ROPN1L: variants seen among roughly 807,000 people sequenced by gnomAD.
ROPN1L encodes ropporin-1-like protein.
Under a neutral mutation model 22.7 loss-of-function variants are expected in ROPN1L, and 23 were observed. The ratio of observed to expected loss-of-function variants is 1.01; its 90% CI spans 0.73 to 1.43. The LOEUF is 1.43. ROPN1L is among the 40% of genes most tolerant of loss of function. The pLI is 0.00. For missense variants in ROPN1L, 271 were observed against 291.5 expected (o/e 0.93, Z 0.51); for synonymous variants, 116 against 117.8 (o/e 0.98, Z 0.10).
At chr5:10,466,526 A>G (rs1283725024), downstream of ROPN1L, among the ~76,000 whole-genome samples, 1 of 152,210 alleles carries the variant, frequency 6.6e-6, no homozygotes, top group Admixed American at 6.5e-5. Flanking sequence ...ATAAACTCCA[A>G]CGTGAAAATC....
In ROPN1L at chr5:10,464,852, G is replaced by C. The variant is rs137857729; in HGVS notation, c.598G>C (p.Ala200Pro). The C allele has an allele frequency of 6.3e-7, 1 of 1,585,534 alleles. No homozygotes were observed. Among genetic ancestry groups the C allele is most frequent in the Middle Eastern group, 1.8e-4 (1 of 5,532 alleles). Residue 200 changes from alanine (A) to proline (P), a missense_variant, in exon 5 of 5, where the codon GCC (alanine) becomes CCC (proline). By Grantham distance (27) the Ala-to-Pro change is conservative. Transcript: ENST00000274134. Reference sequence around the variant, plus strand: ...CTTTATCTGTTTCCAATTTAGAGACGCCAGGAAGAACGGCATGATAGGTCT... The same window carrying C: ...CTTTATCTGTTTCCAATTTAGAGACCCCAGGAAGAACGGCATGATAGGTCT... ...YLASLKENID[A>P]RKNGMIGLSD...
chr5:10,467,143 C>A (rs984277154), downstream of ROPN1L, among the ~76,000 whole-genome samples: 1 of 152,038 alleles, frequency 6.6e-6, no homozygotes, highest in Non-Finnish European at 1.5e-5. Flanking sequence ...CAAGTTCCTC[C>A]GCGCCACATT....
At chr5:10,465,751 C>T (rs1272097740), downstream of ROPN1L, among the ~76,000 whole-genome samples, 1 of 151,940 alleles carries the variant, frequency 6.6e-6, no homozygotes, top group East Asian at 1.9e-4. Flanking sequence ...ACTCAGGAGG[C>T]TGAGGCAGGA....
the ROPN1L span, among the ~76,000 whole-genome samples, chr5:10,480,252 A>G: frequency 1.3e-5 from 2 of 152,154 alleles, no homozygotes; most frequent in African/African-American, 2.4e-5. Flanking sequence ...AGACTGATAG[A>G]TTTTTTTCAT....
intron 3 of ROPN1L, 118 bp from the exon 4 acceptor site, chr5:10,461,066 A>G (rs1735014037): frequency 5.7e-6 from 5 of 881,538 alleles, no homozygotes; most frequent in African/African-American, 3.4e-5. Flanking sequence ...TGGAGCACAT[A>G]CTTTTTGGAG....
At chr5:10,442,614 AGT>A (rs985559899) in intron 1 of ROPN1L, among the ~76,000 whole-genome samples, 1 of 152,276 alleles carries the variant, frequency 6.6e-6, no homozygotes, top group African/African-American at 2.4e-5. Flanking sequence ...TGGGCAAAAA[AGT>A]GTTTACATTA....
chr5:10,445,838 A>C (rs1266073512), intron 1 of ROPN1L, among the ~76,000 whole-genome samples: 1 of 152,168 alleles, frequency 6.6e-6, no homozygotes, highest in African/African-American at 2.4e-5. Context: ...CAGAAGGATC[A>C]CTTGAGCCCA....
chr5:10,465,825 G>C (rs934957659), downstream of ROPN1L, among the ~76,000 whole-genome samples: 15 of 152,144 alleles, frequency 9.9e-5, no homozygotes, highest in African/African-American at 2.9e-4. Context: ...GCACTAGAGC[G>C]AGACTCCATC....
downstream of ROPN1L, among the ~76,000 whole-genome samples, chr5:10,474,808 A>C (rs763077307): frequency 3.3e-4 from 51 of 152,370 alleles, no homozygotes; most frequent in Non-Finnish European, 6.6e-4. Context: ...GTAACTGAAT[A>C]GGAGCGGCTG....
downstream of ROPN1L, among the ~76,000 whole-genome samples, chr5:10,475,951 C>T (rs534498104): frequency 1.3e-5 from 2 of 152,350 alleles, no homozygotes; most frequent in African/African-American, 2.4e-5. Flanking sequence ...AGGTCCTGTC[C>T]ATCTTGTCGC....
intron 2 of ROPN1L, 93 bp from the exon 3 acceptor site, chr5:10,449,859 C>T (rs1035477553): frequency 4.3e-5 from 45 of 1,047,254 alleles, no homozygotes; most frequent in Non-Finnish European, 3.9e-5. Context: ...CTGCATGGGG[C>T]GGGTTACTTG....
At chr5:10,478,949 G>T in the ROPN1L span, among the ~76,000 whole-genome samples, 1 of 152,180 alleles carries the variant, frequency 6.6e-6, no homozygotes, top group Non-Finnish European at 1.5e-5. Context: ...ATGATGATGA[G>T]GATGATGTTT....
chr5:10,442,350 G>A (rs751765261), intron 1 of ROPN1L, 52 bp downstream of exon 1: 8 of 1,593,876 alleles, frequency 5.0e-6, no homozygotes, highest in Non-Finnish European at 5.1e-6. Context: ...CAAGCCAGAC[G>A]AGCCCAGAGA....
chr5:10,445,437 G>C (rs1224865865), intron 1 of ROPN1L, among the ~76,000 whole-genome samples: 3 of 152,214 alleles, frequency 2.0e-5, no homozygotes, highest in Non-Finnish European at 4.4e-5. Context: ...CAAAAATGAA[G>C]GGTCACGAAA....
At chr5:10,449,874 G>A in intron 2 of ROPN1L, 78 bp from the exon 3 acceptor site, 1 of 1,255,568 alleles carries the variant, frequency 8.0e-7, no homozygotes, top group East Asian at 2.5e-5. Context: ...TACTTGGTGT[G>A]TGTTGAATAT....
the ROPN1L span, among the ~76,000 whole-genome samples, chr5:10,477,225 C>T: frequency 6.6e-6 from 1 of 152,150 alleles, no homozygotes; most frequent in African/African-American, 2.4e-5. Context: ...TTGCTGACCC[C>T]GGGTCTATGC....
intron 1 of ROPN1L, among the ~76,000 whole-genome samples, chr5:10,446,413 T>A (rs558552856): frequency 7.2e-5 from 11 of 152,100 alleles, no homozygotes; most frequent in African/African-American, 2.6e-4. Flanking sequence ...AATCCTAGCA[T>A]TTTGGGAGGC....
chr5:10,466,181 G>A (rs758824526), downstream of ROPN1L, among the ~76,000 whole-genome samples: 7 of 152,188 alleles, frequency 4.6e-5, no homozygotes, highest in Non-Finnish European at 7.3e-5. Flanking sequence ...GAGAAAACTC[G>A]TGCGAATGCC....
At chr5:10,454,947 G>A (rs1475152677) in intron 3 of ROPN1L, among the ~76,000 whole-genome samples, 1 of 152,236 alleles carries the variant, frequency 6.6e-6, no homozygotes, top group East Asian at 1.9e-4. Flanking sequence ...CCCAAGGAAT[G>A]TGCAGCCCAC....
Sources: gnomAD v4.1 joint callset for allele counts (sites outside exome capture counted in the v4.1 genomes callset) on GRCh38, gnomAD v4.1.1 for gene constraint, MANE v1.5 for transcripts, NCBI Gene and HGNC (gene_info 2026-07-23, HGNC 2026-07-21) for gene names.